The following METTL22 variants were observed in gnomAD, a reference collection of about 807,000 sequenced individuals.
METTL22 encodes the protein methyltransferase-like protein 22.
A neutral mutation model predicts 48.4 loss-of-function variants in METTL22; 51 were observed. The observed-to-expected ratio is 1.05, with a 90% CI of 0.84 to 1.33. The LOEUF is 1.33. METTL22 is among the 40% of genes most tolerant of loss of function. METTL22 has a pLI of 0.00. For synonymous variants in METTL22, 255 were observed against 214.1 expected, an observed-to-expected ratio of 1.19 and a Z score of -1.67; for missense variants, 678 against 526.9, an observed-to-expected ratio of 1.29 and a Z score of -2.81.
chr16:8,649,822 A>ACT (rs1567253139), downstream of METTL22, among the ~76,000 whole-genome samples: 1 of 151,958 alleles, frequency 6.6e-6, no homozygotes, highest in Non-Finnish European at 1.5e-5. Context: ...ATTAAAAAAA[A>ACT]AAAACCATTA....
downstream of METTL22, among the ~76,000 whole-genome samples, chr16:8,653,228 A>T (rs2056924067): frequency 6.6e-6 from 1 of 152,212 alleles, no homozygotes; most frequent in African/African-American, 2.4e-5. Context: ...CAGACTGATG[A>T]ATCACTCTGA....
At chr16:8,663,156 A>G in the METTL22 span, among the ~76,000 whole-genome samples, 1 of 145,970 alleles carries the variant, frequency 6.9e-6, no homozygotes, top group East Asian at 2.1e-4. Flanking sequence ...CAGTGAGCCA[A>G]GATTGCACCA....
Position 8,646,998 on chromosome 16 carries a change from A to C in METTL22, c.*855A>C. ...CCAGTTTTGGTCCCATCTTCCTGCT[A>C]CCCTTGGCCCTCCCTGCAGCCCCTT... On this transcript the variant is annotated 3_prime_UTR_variant, in exon 11 of 11. Transcript: ENST00000381920. The C allele has an allele frequency of 3.1e-6, 1 of 318,576 alleles. No homozygotes were observed. The highest frequency in any genetic ancestry group is 2.6e-5 in the South Asian group (1 of 38,464). The allele number at this position is 318,576 out of a possible 1,614,324, so 19.7% of individuals were successfully genotyped here.
chr16:8,639,032 C>G, intron 5 of METTL22, 59 bp from the exon 6 acceptor site: 4 of 1,427,560 alleles, frequency 2.8e-6, no homozygotes, highest in Non-Finnish European at 3.9e-6. Flanking sequence ...AGGCAAAAAA[C>G]ATGGAGATAA....
At chr16:8,641,718 C>T (rs994696638) in intron 7 of METTL22, 13 of 393,526 alleles carry the variant, frequency 3.3e-5, no homozygotes, top group South Asian at 1.3e-4. Context: ...TAGCACTTTG[C>T]GCACCGTAGG....
chr16:8,646,539 A>G lies in METTL22; in HGVS notation c.*396A>G, dbSNP rs764004696. The G allele has an allele frequency of 1.2e-5, 6 of 492,274 alleles. No homozygotes were observed. Among genetic ancestry groups the G allele is most frequent in the South Asian group, 9.3e-5 (6 of 64,828 alleles). 30.5% of individuals were successfully genotyped at this position (492,274 alleles called of 1,614,324 possible). ...GCTGTTTACAGATGGGTTGACTACC[A>G]CTGCCAGTATTGCCATCATATTGCC... On this transcript the variant is annotated 3_prime_UTR_variant, in exon 11 of 11. Transcript: ENST00000381920.
At chr16:8,642,780 G>C (rs2056664744) in intron 9 of METTL22, 2 of 600,752 alleles carry the variant, frequency 3.3e-6, no homozygotes, top group Non-Finnish European at 5.9e-6. Flanking sequence ...CCACTTGACT[G>C]ATGAAGAGAG....
rs1361023963 is a variant in METTL22, at chr16:8,648,809, G to C, written c.*2666G>C. Reference sequence around the variant, plus strand: ...CTCCAAAAAAGAAGAAAAGTATCAAGCCTCAGCTCAGGACGTGATTCCGAA... The same window carrying C: ...CTCCAAAAAAGAAGAAAAGTATCAACCCTCAGCTCAGGACGTGATTCCGAA... On this transcript the variant is annotated 3_prime_UTR_variant, in exon 11 of 11. Transcript: ENST00000381920. 6.6e-6 allele frequency: 1 copy of C among 152,358 alleles called. No individual in the cohort carries two copies. Among genetic ancestry groups the C allele is most frequent in the East Asian group, 1.9e-4 (1 of 5,172 alleles). 9.4% of individuals were successfully genotyped at this position (152,358 alleles called of 1,614,324 possible).
intron 3 of METTL22, among the ~76,000 whole-genome samples, chr16:8,630,754 G>T (rs1345286932): frequency 6.6e-6 from 1 of 152,150 alleles, no homozygotes; most frequent in Non-Finnish European, 1.5e-5. Context: ...CTCACGGTGA[G>T]GCCCCCTTGT....
chr16:8,664,320 A>G, the METTL22 span, among the ~76,000 whole-genome samples: 3 of 151,902 alleles, frequency 2.0e-5, no homozygotes, highest in African/African-American at 7.3e-5. Flanking sequence ...TAATTTTTGT[A>G]TTTTTAGTAG....
the METTL22 span, among the ~76,000 whole-genome samples, chr16:8,663,842 C>T: frequency 6.7e-6 from 1 of 149,158 alleles, no homozygotes. Context: ...TCAGTCTCAG[C>T]ACTGCCAACG....
At chr16:8,624,788 G>C (rs539048184) in intron 1 of METTL22, among the ~76,000 whole-genome samples, 44 of 152,230 alleles carry the variant, frequency 2.9e-4, no homozygotes, top group Admixed American at 1.2e-3. Flanking sequence ...ATCGCGTGAA[G>C]TTTGAGGCTG....
intron 1 of METTL22, among the ~76,000 whole-genome samples, chr16:8,625,096 A>G (rs867546167): frequency 2.6e-5 from 4 of 152,190 alleles, no homozygotes; most frequent in Admixed American, 6.5e-5. Context: ...GGGAATTATT[A>G]ATTAACTTAG....
chr16:8,634,510 T>C (rs933828655), intron 3 of METTL22, among the ~76,000 whole-genome samples: 1 of 152,204 alleles, frequency 6.6e-6, no homozygotes, highest in Non-Finnish European at 1.5e-5. Flanking sequence ...AGAATACTTA[T>C]ACTACTTTTC....
At chr16:8,657,184 TACAAG>T in the METTL22 span, among the ~76,000 whole-genome samples, 2 of 152,192 alleles carry the variant, frequency 1.3e-5, no homozygotes, top group African/African-American at 4.8e-5. Flanking sequence ...TCGATGTCAT[TACAAG>T]ACCTCACAAA....
intron 1 of METTL22, among the ~76,000 whole-genome samples, chr16:8,624,791 T>G (rs1359617922): frequency 6.6e-6 from 1 of 152,110 alleles, no homozygotes; most frequent in African/African-American, 2.4e-5. Flanking sequence ...GCGTGAAGTT[T>G]GAGGCTGCAG....
At chr16:8,657,820 C>CTTTTTTTTTTTT in the METTL22 span, among the ~76,000 whole-genome samples, 131 of 137,256 alleles carry the variant, frequency 9.5e-4, 8 homozygotes, top group African/African-American at 1.9e-3. Flanking sequence ...CTTTTCTTTT[C>CTTTTTTTTTTTT]TTTCTTTTTT....
intron 8 of METTL22, 64 bp from the exon 9 acceptor site, chr16:8,642,399 G>A: frequency 6.6e-7 from 1 of 1,523,958 alleles, no homozygotes; most frequent in Non-Finnish European, 9.1e-7. Context: ...GGATTGCTCT[G>A]AAAAGTCGAT....
chr16:8,640,587 T>G, intron 6 of METTL22, among the ~76,000 whole-genome samples: 2 of 52,454 alleles, frequency 3.8e-5, no homozygotes, highest in Non-Finnish European at 6.9e-5. Context: ...GGCAGAAGGA[T>G]GGATAGATGG....
Sources: allele counts gnomAD v4.1 joint callset (sites outside exome capture counted in the v4.1 genomes callset), GRCh38; gene constraint gnomAD v4.1.1; transcripts MANE v1.5; gene names NCBI Gene and HGNC (gene_info 2026-07-23, HGNC 2026-07-21).